Variants in PPFIA2 observed in about 807,000 individuals in gnomAD.
The protein encoded by PPFIA2 is liprin-alpha-2.
In PPFIA2, 46 loss-of-function variants were observed where a neutral mutation model predicts 175.5. The observed-to-expected ratio is 0.26, with a 90% CI of 0.21 to 0.34. The LOEUF is 0.34. Ranked by LOEUF, PPFIA2 falls within the 10% of genes least tolerant of loss-of-function variation. The pLI is 1.00. For synonymous variants in PPFIA2, 568 were observed against 511.4 expected (o/e 1.11, Z -1.49); for missense variants, 1,179 against 1,506.1 (o/e 0.78, Z 3.60).
rs145134427 is a variant in PPFIA2, at chr12:81,731,484, G to A, written c.249+22489C>T. ...TTGAAACCCAAACTTCAAACATTGC[G>A]AGCAAATGCATTTTCTGTCTCAAGT... On this transcript the variant is annotated intron_variant, in intron 3 of 32. Transcript: ENST00000549396. Among the ~76,000 whole-genome samples, 25 of 151,674 alleles carry A rather than the reference G, an allele frequency of 1.6e-4. No homozygotes were observed. In the East Asian group the frequency reaches 3.7e-3, roughly 23 times the overall value.
At chr12:81,454,016 G>GAA (rs1451885392) in intron 5 of PPFIA2, among the ~76,000 whole-genome samples, 6 of 152,042 alleles carry the variant, frequency 3.9e-5, no homozygotes, top group African/African-American at 7.2e-5. Context: ...CCAGGAGTTC[G>GAA]AGACAAGTCC....
chr12:81,602,903 C>A (rs1352426725), intron 4 of PPFIA2, among the ~76,000 whole-genome samples: 3 of 151,810 alleles, frequency 2.0e-5, no homozygotes, highest in African/African-American at 7.2e-5. Context: ...GGACAGTCTT[C>A]ATACCTTAAT....
intron 22 of PPFIA2, among the ~76,000 whole-genome samples, chr12:81,302,508 T>A (rs375640172): frequency 6.6e-6 from 1 of 152,186 alleles, no homozygotes; most frequent in African/African-American, 2.4e-5. Flanking sequence ...ACTTTAGTAA[T>A]AGCAGTCTAA....
At chr12:81,723,084 A>T (rs901549565) in intron 3 of PPFIA2, among the ~76,000 whole-genome samples, 1 of 151,162 alleles carries the variant, frequency 6.6e-6, no homozygotes, top group Non-Finnish European at 1.5e-5. Flanking sequence ...GCACAAGTGC[A>T]CATATTAAAG....
At chr12:81,687,444 C>CA (rs2074582495) in intron 3 of PPFIA2, 1 of 152,028 alleles carries the variant, frequency 6.6e-6, no homozygotes, top group Non-Finnish European at 1.5e-5. Flanking sequence ...CTTTGAAACT[C>CA]AGTCTAGGCA....
In PPFIA2 at chr12:81,464,154, C is replaced by A. The variant is rs191160697; in HGVS notation, c.304-6288G>T. Among the ~76,000 whole-genome samples, 114 of 152,230 alleles carry A rather than the reference C, an allele frequency of 7.5e-4. 2 individuals carry two copies. The highest frequency in any genetic ancestry group is 6.9e-4 in the Non-Finnish European group (47 of 67,992). ...CTTATCTCAAACTCCTGGCCTCAAG[C>A]AATTCTCCCACCTCCACATCAGCTT... On this transcript the variant is annotated intron_variant, in intron 4 of 32. Coordinates refer to ENST00000549396, the MANE Select transcript of PPFIA2 (RefSeq NM_003625.5).
At chr12:81,343,738 C>T (rs1321649617) in intron 19 of PPFIA2, among the ~76,000 whole-genome samples, 1 of 152,040 alleles carries the variant, frequency 6.6e-6, no homozygotes, top group Admixed American at 6.6e-5. Context: ...AACTTCAGTT[C>T]ATTTTGTTTT....
chr12:81,320,645 A>G (rs2053458937), intron 22 of PPFIA2, among the ~76,000 whole-genome samples: 1 of 152,024 alleles, frequency 6.6e-6, no homozygotes, highest in Non-Finnish European at 1.5e-5. Flanking sequence ...TGCTTTACTA[A>G]AAAAATTATA....
At chr12:81,288,041 A>G (rs1200584199) in intron 24 of PPFIA2, among the ~76,000 whole-genome samples, 1 of 151,860 alleles carries the variant, frequency 6.6e-6, no homozygotes, top group Non-Finnish European at 1.5e-5. Context: ...ATCTGAGTCT[A>G]ACATGAAATT....
intron 4 of PPFIA2, among the ~76,000 whole-genome samples, chr12:81,643,231 C>G (rs975637379): frequency 5.3e-5 from 8 of 151,600 alleles, no homozygotes; most frequent in African/African-American, 1.9e-4. Context: ...ATTTGAAACT[C>G]ATTCAGAATA....
intron 31 of PPFIA2, 78 bp from the exon 32 acceptor site, chr12:81,262,118 C>T: frequency 2.0e-6 from 2 of 1,017,006 alleles, no homozygotes; most frequent in Non-Finnish European, 3.0e-6. Flanking sequence ...TTTATTTTCC[C>T]TGCATACAGG....
At chr12:81,639,350 G>A (rs2064613240) in intron 4 of PPFIA2, among the ~76,000 whole-genome samples, 1 of 151,730 alleles carries the variant, frequency 6.6e-6, no homozygotes, top group Admixed American at 6.6e-5. Context: ...GCACATCTCT[G>A]ACAAAAGAAA....
intron 4 of PPFIA2, among the ~76,000 whole-genome samples, chr12:81,671,027 T>C (rs61933830): frequency 0.097 from 14,733 of 152,026 alleles, 977 homozygotes; most frequent in East Asian, 0.27. Context: ...TTAAGTCTTC[T>C]ACATGTCCAA....
chr12:81,531,028 A>G (rs2064466077), intron 4 of PPFIA2, among the ~76,000 whole-genome samples: 1 of 151,922 alleles, frequency 6.6e-6, no homozygotes, highest in Non-Finnish European at 1.5e-5. Flanking sequence ...AGACAACATC[A>G]TAATAAATTT....
At chr12:81,481,866 G>T (rs768975636) in intron 4 of PPFIA2, among the ~76,000 whole-genome samples, 1 of 152,058 alleles carries the variant, frequency 6.6e-6, no homozygotes, top group Non-Finnish European at 1.5e-5. Context: ...AAAAGCAAGG[G>T]CAACAAAAGC....
intron 4 of PPFIA2, among the ~76,000 whole-genome samples, chr12:81,553,123 C>G (rs535892929): frequency 6.6e-6 from 1 of 151,858 alleles, no homozygotes; most frequent in Non-Finnish European, 1.5e-5. Context: ...ATTAATCTCA[C>G]GGGCTGAGAG....
At chr12:81,269,532 A>G (rs146328424) in intron 28 of PPFIA2, among the ~76,000 whole-genome samples, 45 of 152,300 alleles carry the variant, frequency 3.0e-4, no homozygotes, top group African/African-American at 9.9e-4. Flanking sequence ...TATTTTATCC[A>G]TTTATAACCA....
chr12:81,551,499 TCA>T (rs2067917057), intron 4 of PPFIA2, among the ~76,000 whole-genome samples: 2 of 151,888 alleles, frequency 1.3e-5, no homozygotes, highest in Admixed American at 6.6e-5. Context: ...TACAAAGCAC[TCA>T]CATTGCATGA....
chr12:81,450,197 T>A (rs1298563508), intron 5 of PPFIA2, among the ~76,000 whole-genome samples: 1 of 152,184 alleles, frequency 6.6e-6, no homozygotes, highest in Non-Finnish European at 1.5e-5. Flanking sequence ...TAGTTCTAGA[T>A]CCTTGAGGAA....
Sources: gnomAD v4.1 joint callset for allele counts (sites outside exome capture counted in the v4.1 genomes callset) on GRCh38, gnomAD v4.1.1 for gene constraint, MANE v1.5 for transcripts, NCBI Gene and HGNC (gene_info 2026-07-23, HGNC 2026-07-21) for gene names.